MYO3A: variants seen among roughly 807,000 people sequenced by gnomAD.
The protein encoded by MYO3A is myosin-IIIa.
In MYO3A, 180 loss-of-function variants were observed where a neutral mutation model predicts 192.7. The observed-to-expected ratio is 0.93, with a 90% CI of 0.83 to 1.06. The LOEUF (loss-of-function observed/expected upper bound fraction) is 1.06, where lower values mean the gene tolerates loss of function less well. MYO3A is among the 50% of genes least tolerant of loss of function. The pLI, the probability that MYO3A is intolerant of heterozygous loss-of-function variation, is 0.00. For synonymous variants in MYO3A, 628 were observed against 645.3 expected (o/e 0.97, Z 0.41); for missense variants, 1,896 against 1,905.0 (o/e 1.00, Z 0.09).
intron 4 of MYO3A, among the ~76,000 whole-genome samples, chr10:25,981,198 T>C (rs1288639948): frequency 6.6e-6 from 1 of 152,192 alleles, no homozygotes; most frequent in Non-Finnish European, 1.5e-5. Flanking sequence ...TTCAGGGTTG[T>C]ATCTCCTGTT....
intron 17 of MYO3A, among the ~76,000 whole-genome samples, chr10:26,119,268 A>T (rs977214075): frequency 1.3e-5 from 2 of 151,332 alleles, no homozygotes; most frequent in African/African-American, 4.9e-5. Flanking sequence ...AGCCCTTGTA[A>T]TTTTTTTTCT....
chr10:26,038,870 G>C (rs1430177110), intron 10 of MYO3A, among the ~76,000 whole-genome samples: 2 of 152,174 alleles, frequency 1.3e-5, no homozygotes, highest in East Asian at 3.8e-4. Flanking sequence ...TCCAGTTTTT[G>C]AGGGTTTTTG....
chr10:25,953,306 T>C (rs2130563800), intron 3 of MYO3A, among the ~76,000 whole-genome samples: 1 of 152,182 alleles, frequency 6.6e-6, no homozygotes, highest in Middle Eastern at 3.4e-3. Flanking sequence ...ATAGTTTATT[T>C]CTGCTAAACC....
chr10:26,181,750 A>G (rs935872863), intron 31 of MYO3A, among the ~76,000 whole-genome samples: 10 of 151,968 alleles, frequency 6.6e-5, no homozygotes, highest in African/African-American at 2.4e-4. Context: ...CAACATTTTG[A>G]AAAGTGACTT....
intron 26 of MYO3A, among the ~76,000 whole-genome samples, chr10:26,163,074 G>A (rs1841558674): frequency 1.3e-5 from 2 of 152,228 alleles, no homozygotes; most frequent in South Asian, 4.1e-4. Context: ...TTCATGACTG[G>A]AGCTCGGAGT....
At chr10:25,959,926 C>T (rs1032528032) in intron 4 of MYO3A, among the ~76,000 whole-genome samples, 5 of 151,838 alleles carry the variant, frequency 3.3e-5, no homozygotes, top group Non-Finnish European at 5.9e-5. Flanking sequence ...CCAAATGACC[C>T]CTTGCTTTTT....
chr10:26,181,713 C>T (rs1427297996), intron 31 of MYO3A, among the ~76,000 whole-genome samples: 1 of 150,996 alleles, frequency 6.6e-6, no homozygotes, highest in Non-Finnish European at 1.5e-5. Flanking sequence ...TGTAATTATT[C>T]CCAAACATAT....
chr10:25,978,763 A>G (rs1839118075), intron 4 of MYO3A, among the ~76,000 whole-genome samples: 2 of 152,148 alleles, frequency 1.3e-5, no homozygotes, highest in African/African-American at 4.8e-5. Flanking sequence ...TTTTAAGGGA[A>G]TTTATCAGGT....
At chr10:26,067,457 C>T (rs77442420) in intron 11 of MYO3A, among the ~76,000 whole-genome samples, 39 of 152,230 alleles carry the variant, frequency 2.6e-4, no homozygotes, top group African/African-American at 8.9e-4. Context: ...GAGCAGTCAG[C>T]CTATTGTAAC....
chr10:26,154,873 A>G (rs530093736), intron 25 of MYO3A, 50 bp downstream of exon 25: 2 of 1,485,026 alleles, frequency 1.3e-6, no homozygotes, highest in South Asian at 2.4e-5. Context: ...TATTTAGTCT[A>G]AATGAGTTAC....
intron 4 of MYO3A, among the ~76,000 whole-genome samples, chr10:25,987,310 T>G (rs1245097641): frequency 6.6e-6 from 1 of 152,128 alleles, no homozygotes; most frequent in Non-Finnish European, 1.5e-5. Flanking sequence ...GGCAAAGACT[T>G]CATGACCAAG....
intron 20 of MYO3A, among the ~76,000 whole-genome samples, chr10:26,134,161 T>G (rs2131789803): frequency 6.6e-6 from 1 of 152,286 alleles, no homozygotes; most frequent in Middle Eastern, 3.4e-3. Context: ...GAAGCTGCTG[T>G]AGGGAGAAAT....
intron 2 of MYO3A, among the ~76,000 whole-genome samples, chr10:25,948,072 T>C (rs903451051): frequency 1.3e-5 from 2 of 152,126 alleles, no homozygotes; most frequent in South Asian, 2.1e-4. Flanking sequence ...GTGGGACTTA[T>C]TGGGGAGGTG....
chr10:26,002,591 G>A (rs1160944405), intron 6 of MYO3A, among the ~76,000 whole-genome samples: 3 of 151,640 alleles, frequency 2.0e-5, no homozygotes, highest in African/African-American at 7.2e-5. Context: ...AAGTCAGGGT[G>A]GACCAGGTAA....
At chr10:25,940,870 A>G (rs147117208) in intron 2 of MYO3A, among the ~76,000 whole-genome samples, 1 of 152,232 alleles carries the variant, frequency 6.6e-6, no homozygotes, top group African/African-American at 2.4e-5. Flanking sequence ...ATGATGCTGT[A>G]TAGTTTCATT....
intron 11 of MYO3A, among the ~76,000 whole-genome samples, chr10:26,067,697 G>C (rs34879813): frequency 0.47 from 72,122 of 151,916 alleles, 17,927 homozygotes; most frequent in Middle Eastern, 0.59. Flanking sequence ...TGTGAAGGTA[G>C]AGATCCAAGC....
intron 14 of MYO3A, among the ~76,000 whole-genome samples, chr10:26,085,423 C>CTGCA (rs1276779782): frequency 6.6e-6 from 1 of 152,128 alleles, no homozygotes; most frequent in Non-Finnish European, 1.5e-5. Context: ...ATTGCCTTTG[C>CTGCA]TGCATTCCAT....
chr10:26,056,056 G>A (rs1834088654), intron 10 of MYO3A, among the ~76,000 whole-genome samples: 1 of 152,304 alleles, frequency 6.6e-6, no homozygotes. Flanking sequence ...GGAATTTTTT[G>A]TAAGTCCACA....
At chr10:26,130,728 G>A (rs1360940757) in intron 20 of MYO3A, among the ~76,000 whole-genome samples, 1 of 152,190 alleles carries the variant, frequency 6.6e-6, no homozygotes, top group African/African-American at 2.4e-5. Flanking sequence ...TCAGATTGCT[G>A]AATGTGTTAT....
Sources: allele counts gnomAD v4.1 joint callset (sites outside exome capture counted in the v4.1 genomes callset), GRCh38; gene constraint gnomAD v4.1.1; transcripts MANE v1.5; gene names NCBI Gene and HGNC (gene_info 2026-07-23, HGNC 2026-07-21).